Variants in KDM2B observed in about 807,000 individuals in gnomAD.
KDM2B encodes the protein lysine-specific demethylase 2B.
A neutral mutation model predicts 150.0 loss-of-function variants in KDM2B; 26 were observed. The ratio of observed to expected loss-of-function variants is 0.17; its 90% CI spans 0.13 to 0.24. The LOEUF is 0.24. KDM2B is among the 10% of genes least tolerant of loss of function. The pLI is 1.00. For synonymous variants in KDM2B, 734 were observed against 729.5 expected, an observed-to-expected ratio of 1.01 and a Z score of -0.10; for missense variants, 1,265 against 1,816.9, an observed-to-expected ratio of 0.70 and a Z score of 5.52.
chr12:121,460,615 A>G (rs1055569423), intron 12 of KDM2B, among the ~76,000 whole-genome samples: 3 of 152,154 alleles, frequency 2.0e-5, no homozygotes, highest in Non-Finnish European at 4.4e-5. Context: ...ACTATGTCAC[A>G]CAGGCTGGTC....
At chr12:121,451,115 C>T (rs1277460548) in intron 13 of KDM2B, among the ~76,000 whole-genome samples, 1 of 152,018 alleles carries the variant, frequency 6.6e-6, no homozygotes, top group South Asian at 2.1e-4. Context: ...CTGCCCCCCC[C>T]TTCTACCTCC....
intron 4 of KDM2B, among the ~76,000 whole-genome samples, chr12:121,563,826 G>A (rs1312783988): frequency 6.6e-6 from 1 of 151,880 alleles, no homozygotes; most frequent in Non-Finnish European, 1.5e-5. Flanking sequence ...GAACCTGGGA[G>A]GCAGAGGTTG....
At chr12:121,414,712 G>C in the KDM2B span, among the ~76,000 whole-genome samples, 1 of 151,874 alleles carries the variant, frequency 6.6e-6, no homozygotes, top group Non-Finnish European at 1.5e-5. Context: ...TCGCTCTGTC[G>C]CCCAGCCTGG....
At chr12:121,479,133 T>A (rs1421843066) in intron 12 of KDM2B, among the ~76,000 whole-genome samples, 1 of 151,656 alleles carries the variant, frequency 6.6e-6, no homozygotes, top group African/African-American at 2.4e-5. Flanking sequence ...TGGTAAACAG[T>A]GGAATGTCGG....
chr12:121,479,311 C>CA (rs1199662886), intron 12 of KDM2B, among the ~76,000 whole-genome samples: 4 of 139,694 alleles, frequency 2.9e-5, no homozygotes, highest in African/African-American at 5.1e-5. Flanking sequence ...ACTAAAAATA[C>CA]AAAAAATTAG....
At chr12:121,507,991 A>G (rs546616482) in intron 11 of KDM2B, among the ~76,000 whole-genome samples, 83 of 152,304 alleles carry the variant, frequency 5.4e-4, no homozygotes, top group African/African-American at 1.9e-3. Flanking sequence ...AGCCTGTGCA[A>G]CAGAGTAACA....
At chr12:121,456,027 C>T (rs1878179037) in intron 12 of KDM2B, among the ~76,000 whole-genome samples, 1 of 152,260 alleles carries the variant, frequency 6.6e-6, no homozygotes, top group Non-Finnish European at 1.5e-5. Context: ...GCACCCCCAT[C>T]TGCGGGCACC....
At chr12:121,546,954 C>T (rs1408631539) in intron 6 of KDM2B, among the ~76,000 whole-genome samples, 2 of 152,032 alleles carry the variant, frequency 1.3e-5, no homozygotes, top group East Asian at 1.9e-4. Context: ...CTCTTGGCCT[C>T]GCAAAGTGCT....
In KDM2B at chr12:121,513,516, G is replaced by C; in HGVS notation, c.1048-114C>G. 8.4e-7 allele frequency: 1 copy of C among 1,188,142 alleles called. No individual in the cohort carries two copies. 73.6% of individuals were successfully genotyped at this position (1,188,142 alleles called of 1,614,324 possible). On this transcript the variant is annotated intron_variant, in intron 9 of 22. Transcript: ENST00000377071. This position sits in a 1 kb window ranked among gnomAD's most constrained non-coding sequence, Gnocchi z 5.0. ...GGTGAGGGTCACTGTCATCATCTTA[G>C]CGAGAGCATGGATGGTCGGGGGAGA...
chr12:121,557,086 G>A (rs956598958), intron 4 of KDM2B, among the ~76,000 whole-genome samples: 55 of 152,052 alleles, frequency 3.6e-4, no homozygotes, highest in African/African-American at 1.2e-3. Flanking sequence ...GGCTACCCAC[G>A]TACCTCAAGG....
Position 121,442,361 on chromosome 12 carries a change from G to A in KDM2B, c.3080C>T (p.Pro1027Leu), listed in dbSNP as rs1555288605. ...RSPPRVISRP[P>L]PSVSPPKCIQ... ...ACACTTGGGCGGGGACACGGAGGGT[G>A]GGGGCCGGGAGATGACACGGGGCGG... is the stretch of plus-strand genomic sequence containing the variant. The change falls in exon 19 of 23, where the codon CCA becomes CTA. Residue 1027 changes from proline (P) to leucine (L), a missense_variant. Coordinates refer to ENST00000377071, the MANE Select transcript of KDM2B (RefSeq NM_032590.5). This position sits in a 1 kb window ranked among gnomAD's most constrained non-coding sequence, Gnocchi z 7.7. The A allele has an allele frequency of 3.8e-6, 6 of 1,582,042 alleles. No homozygotes were observed. In the South Asian group the frequency reaches 5.7e-5, roughly 15 times the overall value.
intron 12 of KDM2B, among the ~76,000 whole-genome samples, chr12:121,476,021 A>G (rs1160165145): frequency 6.6e-6 from 1 of 151,604 alleles, no homozygotes; most frequent in African/African-American, 2.4e-5. Flanking sequence ...AATGCCCGGC[A>G]CGGTGGCTCA....
the KDM2B span, among the ~76,000 whole-genome samples, chr12:121,415,840 C>CTTT: frequency 0.3 from 32,001 of 107,690 alleles, 5,480 homozygotes; most frequent in East Asian, 0.39. Context: ...TTTGTCCAGT[C>CTTT]TTTTTTTTTT....
intron 6 of KDM2B, 139 bp downstream of exon 6, chr12:121,548,738 A>G: frequency 1.5e-6 from 1 of 663,800 alleles, no homozygotes; most frequent in South Asian, 1.7e-5. Context: ...CCCCACAGGC[A>G]CAGTCCTTCA....
At position 121,549,740 on chromosome 12, in the gene KDM2B, C is replaced by T. The variant is rs1023287298; in HGVS notation, c.398-102G>A. The T allele has an allele frequency of 1.9e-6, 2 of 1,030,588 alleles. No individual in the cohort carries two copies. Among genetic ancestry groups the T allele is most frequent in the East Asian group, 2.6e-5 (1 of 38,768 alleles). 63.8% of individuals were successfully genotyped at this position (1,030,588 alleles called of 1,614,324 possible). A position where few individuals can be genotyped will look rare whatever the true frequency, so the allele number is the denominator to read the frequency against. ...CAAAAGCTGCTCCTCCACGTTTCCC[C>T]ACAGTCCTCACCCCTCTTCCTCATC... is the stretch of plus-strand genomic sequence containing the variant. On this transcript the variant is annotated intron_variant, in intron 4 of 22. Coordinates refer to ENST00000377071, the MANE Select transcript of KDM2B (RefSeq NM_032590.5). This position sits in a 1 kb window ranked among gnomAD's most constrained non-coding sequence, Gnocchi z 4.4.
intron 4 of KDM2B, among the ~76,000 whole-genome samples, chr12:121,573,808 C>T (rs543091990): frequency 9.9e-5 from 15 of 150,970 alleles, no homozygotes; most frequent in African/African-American, 3.4e-4. Flanking sequence ...AGGATGGTCT[C>T]GATCTCCTGA....
rs543169434 is a variant in KDM2B at position 121,560,634 on chromosome 12, G to A, written c.398-10996C>T. ...TCCCTTAAATGTATAAAGTGGGCAG[G>A]GGCAGGGGCAGTGGGGGCAGAGGAA... On this transcript the variant is annotated intron_variant, in intron 4 of 22. Transcript: ENST00000377071. Among the ~76,000 whole-genome samples the A allele has an allele frequency of 8.7e-4, 133 of 152,102 alleles. 1 individual carries two copies. Among genetic ancestry groups the A allele is most frequent in the African/African-American group, 2.9e-3 (121 of 41,506 alleles).
chr12:121,574,764 G>A (rs144829847), intron 3 of KDM2B, among the ~76,000 whole-genome samples, 171 bp from the exon 4 acceptor site: 9 of 152,272 alleles, frequency 5.9e-5, no homozygotes, highest in African/African-American at 2.2e-4. Context: ...TGCCTCCAGG[G>A]AGGGTCACCC....
chr12:121,499,235 G>A (rs1884278982), intron 11 of KDM2B, among the ~76,000 whole-genome samples: 1 of 150,526 alleles, frequency 6.6e-6, no homozygotes, highest in Non-Finnish European at 1.5e-5. Flanking sequence ...TCAGCCTCCT[G>A]GGGAGCTGGG....
Sources: allele counts gnomAD v4.1 joint callset (sites outside exome capture counted in the v4.1 genomes callset), GRCh38; gene constraint gnomAD v4.1.1; non-coding constraint Gnocchi (gnomAD v3.1); transcripts MANE v1.5; gene names NCBI Gene and HGNC (gene_info 2026-07-23, HGNC 2026-07-21).